Variants in EYS observed in about 807,000 individuals in gnomAD.
EYS encodes the protein protein eyes shut homolog.
In EYS, 250 loss-of-function variants were observed where a neutral mutation model predicts 282.1. The ratio of observed to expected loss-of-function variants is 0.89; its 90% confidence interval spans 0.80 to 0.98. EYS has a LOEUF of 0.98. Among genes scored for constraint, EYS ranks in the 50% least tolerant of loss-of-function variants. The pLI, the probability that EYS is intolerant of heterozygous loss-of-function variation, is 0.00. For missense variants in EYS, 4,016 were observed against 3,709.0 expected (o/e 1.08, Z -2.15); for synonymous variants, 1,355 against 1,282.9 (o/e 1.06, Z -1.20).
At chr6:64,625,699 TC>T (rs1411568609) in intron 23 of EYS, among the ~76,000 whole-genome samples, 2 of 152,216 alleles carry the variant, frequency 1.3e-5, no homozygotes, top group African/African-American at 2.4e-5. Context: ...CAGCAATTAT[TC>T]CTTGAAGAAA....
chr6:65,613,083 T>G (rs1480648127), intron 2 of EYS, among the ~76,000 whole-genome samples: 1 of 151,856 alleles, frequency 6.6e-6, no homozygotes, highest in Non-Finnish European at 1.5e-5. Context: ...TCTCAGTTTA[T>G]AGATGGTTTT....
intron 12 of EYS, among the ~76,000 whole-genome samples, chr6:65,207,861 T>C (rs549060566): frequency 4.6e-5 from 7 of 151,790 alleles, no homozygotes; most frequent in Non-Finnish European, 1.0e-4. Flanking sequence ...TAACAGTATA[T>C]ACAAATTAAC....
intron 18 of EYS, among the ~76,000 whole-genome samples, chr6:64,896,151 A>C (rs1211136862): frequency 1.3e-5 from 2 of 152,198 alleles, no homozygotes; most frequent in Non-Finnish European, 2.9e-5. Flanking sequence ...GCAAGATGGC[A>C]GAATAGGAAT....
intron 12 of EYS, among the ~76,000 whole-genome samples, chr6:65,281,881 T>C (rs1447494928): frequency 6.6e-6 from 1 of 152,134 alleles, no homozygotes; most frequent in East Asian, 1.9e-4. Context: ...TTTTATTTAG[T>C]ATTTGGGTAA....
chr6:65,294,299 G>A (rs572395547), intron 12 of EYS, among the ~76,000 whole-genome samples: 11 of 152,042 alleles, frequency 7.2e-5, no homozygotes, highest in Non-Finnish European at 1.2e-4. Flanking sequence ...GAGTTTAGAA[G>A]TAGGACTGAA....
intron 12 of EYS, among the ~76,000 whole-genome samples, chr6:65,115,554 A>T (rs1445029077): frequency 6.6e-6 from 1 of 152,152 alleles, no homozygotes; most frequent in African/African-American, 2.4e-5. Context: ...TAAAAAATTT[A>T]TATATTACAT....
intron 26 of EYS, among the ~76,000 whole-genome samples, chr6:64,448,648 T>C (rs546380569): frequency 8.5e-4 from 130 of 152,250 alleles, no homozygotes; most frequent in Admixed American, 2.1e-3. Flanking sequence ...GGTACTCCTC[T>C]GAGACAAAAC....
At chr6:64,261,184 A>G (rs563174155) in intron 30 of EYS, among the ~76,000 whole-genome samples, 1 of 152,030 alleles carries the variant, frequency 6.6e-6, no homozygotes, top group South Asian at 2.1e-4. Flanking sequence ...GCCCCGACCA[A>G]CCCTTCCCAA....
rs9444968 is a variant in EYS, at chr6:64,545,797, G to A, written c.5644+44426C>T. 9.5e-3 allele frequency among the ~76,000 whole-genome samples: 1,447 copies of A among 152,098 alleles called. 16 individuals carry two copies. The highest frequency in any genetic ancestry group is 0.031 in the Middle Eastern group (9 of 294). ...TTGTTTCAAAGAGAATAAAATACCT[G>A]GGAATCCAACTTACAAGGGACGTGA... On this transcript the variant is annotated intron_variant, in intron 26 of 42. Transcript: ENST00000503581.
At position 64,793,824 on chromosome 6, in the gene EYS, A is replaced by T. The variant is rs546371448; in HGVS notation, c.3443+19554T>A. Among the ~76,000 whole-genome samples, 7 of 152,124 alleles carry T rather than the reference A, an allele frequency of 4.6e-5. No individual in the cohort carries two copies. The South Asian group carries it at 1.5e-3, about 32-fold the overall frequency. On this transcript the variant is annotated intron_variant, in intron 22 of 42. Coordinates refer to ENST00000503581, the MANE Select transcript of EYS (RefSeq NM_001142800.2). ...TGTTTTTTTTTGTTTGTTTTGTGGT[A>T]AGAATATTTAACATGAGATATACTC...
chr6:65,091,738 C>G (rs1774574248), intron 12 of EYS, among the ~76,000 whole-genome samples: 1 of 152,074 alleles, frequency 6.6e-6, no homozygotes, highest in Non-Finnish European at 1.5e-5. Flanking sequence ...TACAGCACGA[C>G]ACAGCGGGTT....
chr6:64,542,219 T>A (rs901611409), intron 26 of EYS, among the ~76,000 whole-genome samples: 69 of 152,112 alleles, frequency 4.5e-4, no homozygotes, highest in Non-Finnish European at 5.4e-4. Context: ...ATACATTTTT[T>A]AATTTATATT....
Position 64,683,713 on chromosome 6 carries a change from G to T in EYS, c.3444-57468C>A, listed in dbSNP as rs973836525. On this transcript the variant is annotated intron_variant, in intron 22 of 42. Coordinates refer to ENST00000503581, the MANE Select transcript of EYS (RefSeq NM_001142800.2). Reference sequence around the variant, plus strand: ...ACACAAAAAGCTCAGCAAATCCAAAGAATTAATACAAAGTCAAAATTGCAA... The same window carrying T: ...ACACAAAAAGCTCAGCAAATCCAAATAATTAATACAAAGTCAAAATTGCAA... 9.9e-5 allele frequency among the ~76,000 whole-genome samples: 15 copies of T among 152,244 alleles called. No homozygotes were observed. In the Middle Eastern group the frequency reaches 0.01, roughly 104 times the overall value.
intron 32 of EYS, among the ~76,000 whole-genome samples, chr6:64,072,351 GC>G (rs1188209259): frequency 6.6e-6 from 1 of 150,662 alleles, no homozygotes; most frequent in Non-Finnish European, 1.5e-5. Context: ...TATCTTTTCT[GC>G]GTCTTCTGAG....
At chr6:65,614,711 A>T (rs1766123381) in intron 2 of EYS, among the ~76,000 whole-genome samples, 1 of 151,366 alleles carries the variant, frequency 6.6e-6, no homozygotes, top group Non-Finnish European at 1.5e-5. Context: ...ACAGCAAATA[A>T]ATGACAGTAT....
At chr6:63,794,396 T>G (rs1435828319) in intron 37 of EYS, among the ~76,000 whole-genome samples, 1 of 152,212 alleles carries the variant, frequency 6.6e-6, no homozygotes, top group African/African-American at 2.4e-5. Flanking sequence ...TTTTGTTTGT[T>G]TGTTTTTGCT....
intron 2 of EYS, among the ~76,000 whole-genome samples, chr6:65,568,700 T>C (rs931631987): frequency 3.3e-5 from 5 of 152,314 alleles, no homozygotes; most frequent in Admixed American, 1.3e-4. Context: ...CTCACTTATT[T>C]GATTTTCTCA....
At chr6:64,396,506 T>C (rs2150433058) in intron 28 of EYS, among the ~76,000 whole-genome samples, 1 of 152,250 alleles carries the variant, frequency 6.6e-6, no homozygotes, top group African/African-American at 2.4e-5. Flanking sequence ...ATAATTAGTA[T>C]TTTGTTGTTG....
chr6:64,550,947 A>G (rs75449482), intron 26 of EYS, among the ~76,000 whole-genome samples: 2,298 of 152,208 alleles, frequency 0.015, 49 homozygotes, highest in African/African-American at 0.052. Flanking sequence ...TGTTTTTAAT[A>G]TTGCTTTTAA....
Sources: gnomAD v4.1 joint callset for allele counts (sites outside exome capture counted in the v4.1 genomes callset) on GRCh38, gnomAD v4.1.1 for gene constraint, MANE v1.5 for transcripts, NCBI Gene and HGNC (gene_info 2026-07-23, HGNC 2026-07-21) for gene names.